MYBPC2: variants seen among roughly 807,000 people sequenced by gnomAD.
MYBPC2 encodes myosin binding protein C2.
Under a neutral mutation model 137.0 loss-of-function variants are expected in MYBPC2, and 122 were observed. That is an observed-to-expected ratio of 0.89 (90% CI 0.77 to 1.03). The LOEUF is 1.03. Ranked by LOEUF, MYBPC2 falls within the 50% of genes least tolerant of loss-of-function variation. The pLI is 0.00. For synonymous variants in MYBPC2, 626 were observed against 612.3 expected (o/e 1.02, Z -0.33); for missense variants, 1,500 against 1,534.4 (o/e 0.98, Z 0.37).
At chr19:50,442,431 C>G (rs1441834796) in intron 9 of MYBPC2, 118 bp downstream of exon 9, 6 of 1,390,336 alleles carry the variant, frequency 4.3e-6, no homozygotes, top group Non-Finnish European at 4.8e-6. Flanking sequence ...ATGAAGAGTA[C>G]AGGCCGGGCA....
chr19:50,459,342 G>GGGGCAGGGAT, intron 23 of MYBPC2, 36 bp downstream of exon 23: 1 of 1,569,406 alleles, frequency 6.4e-7, no homozygotes, highest in Non-Finnish European at 8.6e-7. Context: ...GAGGCCGGGA[G>GGGGCAGGGAT]GGGCAGGGAT....
rs1451231259 is a variant in MYBPC2, at chr19:50,435,638, A to G, written c.110-138A>G. ...CAGGTGGCCTTTCCCAGGTCAGGAA[A>G]AGCCATTTAACCCCCATGATGTTTG... On this transcript the variant is annotated intron_variant, in intron 2 of 27. Coordinates refer to ENST00000357701, the MANE Select transcript of MYBPC2 (RefSeq NM_004533.4). This position sits in a 1 kb window ranked among gnomAD's most constrained non-coding sequence, Gnocchi z 4.8. 18 of 745,872 alleles carry G rather than the reference A, an allele frequency of 2.4e-5. No homozygotes were observed. Among genetic ancestry groups the G allele is most frequent in the Non-Finnish European group, 3.9e-5 (18 of 463,538 alleles). The allele number at this position is 745,872 out of a possible 1,614,324, so 46.2% of individuals were successfully genotyped here. A position where few individuals can be genotyped will look rare whatever the true frequency, so the allele number is the denominator to read the frequency against.
rs2039696947 is a variant in MYBPC2, at chr19:50,435,798, CCCGA to C, written c.134_137del (p.Pro45LeufsTer10). 5.0e-6 allele frequency: 8 copies of C among 1,611,762 alleles called. No homozygotes were observed. Among genetic ancestry groups the C allele is most frequent in the Non-Finnish European group, 6.8e-6 (8 of 1,178,816 alleles). ...CAGAAGCCCCACCCGAGGACCAGTC[CCCGA>C]CTGCAGAGGAGCCCACCGGCGTTTT... On this transcript the variant is annotated frameshift_variant, in exon 3 of 28. Transcript: ENST00000357701. LOFTEE classifies it high-confidence loss of function. This position sits in a 1 kb window ranked among gnomAD's most constrained non-coding sequence, Gnocchi z 4.8.
chr19:50,459,585 GGGAGAGGAGGTGAGAGATGGGGGGTA>G lies in MYBPC2; in HGVS notation c.2791+295_2791+320del, dbSNP rs1429564013. 3.5e-3 allele frequency among the ~76,000 whole-genome samples: 188 copies of G among 54,226 alleles called. 5 individuals are homozygous for G. Among genetic ancestry groups the G allele is most frequent in the East Asian group, 0.025 (44 of 1,776 alleles). 35.6% of individuals were successfully genotyped at this position (54,226 alleles called of 152,430 possible). On this transcript the variant is annotated intron_variant, in intron 23 of 27. Transcript: ENST00000357701. Reference sequence around the variant, plus strand: ...GGTGGGAGAGGAGGTGAGAGATGGTGGGAGAGGAGGTGAGAGATGGGGGGTAGGAGAGGAGGTGAGACGAGGGGTGG... The same window carrying G: ...GGTGGGAGAGGAGGTGAGAGATGGTGGGAGAGGAGGTGAGACGAGGGGTGG...
chr19:50,442,272 C>T lies in MYBPC2; in HGVS notation c.861C>T (p.Leu287=). ...MVEISDPDLT[L]KWFKNGQEIK... ...AGATCAGCGACCCAGACCTGACCCT[C>T]AAGTGGTTCAAGAACGGCCAGGAGA... is the stretch of plus-strand genomic sequence containing the variant. Residue 287 remains leucine (L), a synonymous_variant, in exon 9 of 28, where the codon CTC becomes CTT. Coordinates refer to ENST00000357701, the MANE Select transcript of MYBPC2 (RefSeq NM_004533.4). The T allele has an allele frequency of 6.2e-7, 1 of 1,607,714 alleles. No individual in the cohort carries two copies. Among genetic ancestry groups the T allele is most frequent in the Non-Finnish European group, 8.5e-7 (1 of 1,177,236 alleles).
At chr19:50,450,766 G>C (rs2039847902) in intron 13 of MYBPC2, 63 bp from the exon 14 acceptor site, 2 of 1,217,520 alleles carry the variant, frequency 1.6e-6, no homozygotes, top group Non-Finnish European at 2.4e-6. Context: ...TTGAGGCGGT[G>C]CAGCCCCATA....
intron 20 of MYBPC2, among the ~76,000 whole-genome samples, chr19:50,456,022 A>G (rs1049850465): frequency 2.6e-5 from 4 of 150,990 alleles, no homozygotes; most frequent in Admixed American, 1.3e-4. Flanking sequence ...CCATCTGTCC[A>G]CCCATCTGTA....
Position 50,441,025 on chromosome 19 carries a change from G to T in MYBPC2, c.718G>T (p.Gly240Cys), listed in dbSNP as rs1230521494. 2 of 1,609,526 alleles carry T rather than the reference G, an allele frequency of 1.2e-6. No homozygotes were observed. The highest frequency in any genetic ancestry group is 2.2e-5 in the East Asian group (1 of 44,696). Residue 240 changes from glycine to cysteine, a missense_variant, in exon 8 of 28, where the codon GGC (glycine) becomes TGC (cysteine). Physicochemically the swap from Gly to Cys is radical, Grantham distance 159 (BLOSUM62 -3). Transcript: ENST00000357701. Reference protein sequence around the residue: ...AFQYGITDLRGMLKRLKKAKV... With the variant: ...AFQYGITDLRCMLKRLKKAKV... Reference sequence around the variant, plus strand: ...CCAGTATGGCATCACCGACCTCCGGGGCATGCTGAAGCGGCTGAAAAAGGC... The same window carrying T: ...CCAGTATGGCATCACCGACCTCCGGTGCATGCTGAAGCGGCTGAAAAAGGC...
chr19:50,464,261 C>G (rs985515085), intron 26 of MYBPC2, 85 bp from the exon 27 acceptor site: 2 of 1,280,674 alleles, frequency 1.6e-6, no homozygotes, highest in Non-Finnish European at 2.1e-6. Flanking sequence ...AGCCTAGAAC[C>G]CAGATCGGCT....
At position 50,464,480 on chromosome 19, in the gene MYBPC2, G is replaced by A; in HGVS notation, c.3363G>A (p.Arg1121=). The part of the protein sequence containing the change: ...SPFDAGTYTC[R]AVNELGEALA... ...TCGACGCTGGGACTTACACCTGCCG[G>A]GCCGTCAACGAGCTGGGCGAGGCGC... Residue 1121 remains arginine (R), a synonymous_variant, in exon 27 of 28, where the codon CGG becomes CGA. Transcript: ENST00000357701. The A allele has an allele frequency of 1.9e-6, 3 of 1,613,042 alleles. No homozygotes were observed. The highest frequency in any genetic ancestry group is 2.5e-6 in the Non-Finnish European group (3 of 1,179,666).
chr19:50,443,543 T>A lies in MYBPC2; in HGVS notation c.952T>A (p.Cys318Ser). ...GKKRILTINK[C>S]TLADDAAYEV... ...GAAGCGAATTCTTACCATCAACAAG[T>A]GCACGCTGGCGGATGACGCTGCCTA... Residue 318 changes from cysteine (C) to serine (S), a missense_variant, in exon 10 of 28, where the codon TGC (cysteine) becomes AGC (serine). Transcript: ENST00000357701. 1 of 1,613,102 alleles carries A rather than the reference T, an allele frequency of 6.2e-7. No individual in the cohort carries two copies. The highest frequency in any genetic ancestry group is 8.5e-7 in the Non-Finnish European group (1 of 1,179,574).
rs1224594019 is a variant in MYBPC2, at chr19:50,435,265, C to T, written c.109+15C>T. On this transcript the variant is annotated intron_variant, in intron 2 of 27. Transcript: ENST00000357701. This position sits in a 1 kb window ranked among gnomAD's most constrained non-coding sequence, Gnocchi z 4.8. ...GGCCCCCAAAGGTGAGGAGGTGCTC[C>T]CTCGGGCTCAACCGACCTGGCTTCT... 1.0e-5 allele frequency: 11 copies of T among 1,087,634 alleles called. No individual in the cohort carries two copies. The highest frequency in any genetic ancestry group is 1.5e-5 in the Non-Finnish European group (11 of 717,552). 67.4% of individuals were successfully genotyped at this position (1,087,634 alleles called of 1,614,324 possible). A position where few individuals can be genotyped will look rare whatever the true frequency, so the allele number is the denominator to read the frequency against.
intron 20 of MYBPC2, among the ~76,000 whole-genome samples, chr19:50,456,421 G>GTT (rs2039914916): frequency 7.4e-6 from 1 of 134,594 alleles, no homozygotes; most frequent in East Asian, 2.3e-4. Context: ...TATTTCCTTC[G>GTT]TTTCTCTCTC....
rs1197416815 is a variant in MYBPC2, at chr19:50,441,065, A to G, written c.758A>G (p.Lys253Arg). The G allele has an allele frequency of 1.3e-6, 2 of 1,592,580 alleles. No individual in the cohort carries two copies. Among genetic ancestry groups the G allele is most frequent in the Admixed American group, 3.5e-5 (2 of 56,736 alleles). Residue 253 changes from lysine to arginine, a missense_variant, in exon 8 of 28, where the codon AAG (lysine) becomes AGG (arginine). Physicochemically the swap from Lys to Arg is conservative, Grantham distance 26. Coordinates refer to ENST00000357701, the MANE Select transcript of MYBPC2 (RefSeq NM_004533.4). ...KRLKKAKVEV[K>R]KSAAFTKKLD... Reference sequence around the variant, plus strand: ...CTGAAAAAGGCTAAGGTCGAGGTCAAGAAGAGTGCAGGTCAGCCCTGGTCT... The same window carrying G: ...CTGAAAAAGGCTAAGGTCGAGGTCAGGAAGAGTGCAGGTCAGCCCTGGTCT...
At chr19:50,433,009 CTCT>C (rs771869280) in intron 1 of MYBPC2, 37 bp downstream of exon 1, 2 of 1,557,798 alleles carry the variant, frequency 1.3e-6, no homozygotes, top group Middle Eastern at 1.9e-4. Flanking sequence ...GGGGATGGGG[CTCT>C]TCTTTTCTGG....
chr19:50,447,866 AT>A (rs200373617), intron 12 of MYBPC2, among the ~76,000 whole-genome samples: 13 of 152,046 alleles, frequency 8.6e-5, no homozygotes, highest in African/African-American at 2.9e-4. Context: ...TCAAAAAAAA[AT>A]AAATAAATAA....
intron 20 of MYBPC2, among the ~76,000 whole-genome samples, chr19:50,456,068 CCATT>C (rs1259065374): frequency 4.0e-5 from 6 of 151,574 alleles, no homozygotes; most frequent in Non-Finnish European, 7.4e-5. Flanking sequence ...ATCCATCCAT[CCATT>C]CATCTTACCG....
rs373593356 is a variant in MYBPC2, at chr19:50,461,893, T to C, written c.3092-7T>C. ...AGTCGCCTTACGGGTGCATCCTCTC[T>C]CCCCAGGAATCACCTTCAAACCGTT... On this transcript the variant is annotated splice_polypyrimidine_tract_variant and splice_region_variant and intron_variant, in intron 25 of 27. Coordinates refer to ENST00000357701, the MANE Select transcript of MYBPC2 (RefSeq NM_004533.4). The C allele has an allele frequency of 2.6e-5, 42 of 1,593,788 alleles. No individual in the cohort carries two copies. Among genetic ancestry groups the C allele is most frequent in the Middle Eastern group, 1.6e-4 (1 of 6,068 alleles).
chr19:50,447,857 C>CA (rs1219487532), intron 12 of MYBPC2, among the ~76,000 whole-genome samples: 32 of 149,270 alleles, frequency 2.1e-4, no homozygotes, highest in South Asian at 1.1e-3. Context: ...AACTCCATCT[C>CA]AAAAAAAAAT....
Sources: allele counts gnomAD v4.1 joint callset (sites outside exome capture counted in the v4.1 genomes callset), GRCh38; gene constraint gnomAD v4.1.1; non-coding constraint Gnocchi (gnomAD v3.1); transcripts MANE v1.5; gene names NCBI Gene and HGNC (gene_info 2026-07-23, HGNC 2026-07-21).